Variants in TOX2 observed in about 807,000 individuals in gnomAD.
TOX2 encodes the protein granulosa cell HMG box 1.
A neutral mutation model predicts 47.4 loss-of-function variants in TOX2; 15 were observed. The observed-to-expected ratio is 0.32, with a 90% CI of 0.21 to 0.49. The LOEUF (loss-of-function observed/expected upper bound fraction) is 0.49. Among genes scored for constraint, TOX2 ranks in the 20% least tolerant of loss-of-function variants. The pLI is 0.99. For synonymous variants in TOX2, 290 were observed against 296.6 expected, an observed-to-expected ratio of 0.98 and a Z score of 0.23; for missense variants, 622 against 673.1, an observed-to-expected ratio of 0.92 and a Z score of 0.84.
intron 4 of TOX2, among the ~76,000 whole-genome samples, chr20:44,051,809 A>AG (rs981744124): frequency 1.3e-5 from 2 of 152,286 alleles, no homozygotes; most frequent in South Asian, 4.1e-4. Context: ...GCACCTGGTC[A>AG]GGGGGGATGG....
chr20:44,027,120 G>A (rs969250663), intron 3 of TOX2, among the ~76,000 whole-genome samples: 53 of 152,158 alleles, frequency 3.5e-4, no homozygotes, highest in African/African-American at 1.2e-3. Context: ...ACTGTTGCAG[G>A]GCCTGATGAA....
At chr20:43,953,535 G>A (rs964384936) in intron 1 of TOX2, among the ~76,000 whole-genome samples, 6 of 152,158 alleles carry the variant, frequency 3.9e-5, no homozygotes, top group Non-Finnish European at 7.3e-5. Context: ...GGGCTGATCC[G>A]GGTTGGTGTG....
At position 44,068,390 on chromosome 20, in the gene TOX2, G is replaced by A. The variant is rs934160491; in HGVS notation, c.1485-260G>A. Among the ~76,000 whole-genome samples, 10 of 152,128 alleles carry A rather than the reference G, an allele frequency of 6.6e-5. No homozygotes were observed. The East Asian group carries it at 1.2e-3, about 18-fold the overall frequency. ...CAATGGTGACATCGGCGTGCGCCTC[G>A]ATGAAAGACAGACACGCTACTGCCC... On this transcript the variant is annotated intron_variant, in intron 8 of 8. Coordinates refer to ENST00000341197, the MANE Select transcript of TOX2 (RefSeq NM_001098797.2).
chr20:44,055,862 G>C (rs1285211464), intron 5 of TOX2, among the ~76,000 whole-genome samples: 1 of 152,180 alleles, frequency 6.6e-6, no homozygotes, highest in Admixed American at 6.5e-5. Flanking sequence ...GGGGCAGAGA[G>C]ATGAATTACT....
chr20:43,951,920 C>T (rs186958974), intron 1 of TOX2, among the ~76,000 whole-genome samples: 9 of 150,326 alleles, frequency 6.0e-5, no homozygotes, highest in East Asian at 2.0e-4. Flanking sequence ...TTTTTGAGGC[C>T]GAGTCTCGCT....
In TOX2 at chr20:43,969,321, T is replaced by C. The variant is rs140363177; in HGVS notation, c.100-4046T>C. Among the ~76,000 whole-genome samples, 1,105 of 152,350 alleles carry C rather than the reference T, an allele frequency of 7.3e-3. 9 individuals are homozygous for C. The highest frequency in any genetic ancestry group is 0.025 in the African/African-American group (1,047 of 41,586). ...CATGCTGTGCACACGGTGTACATCA[T>C]ATACCTTTGTGTTCACACAGTGTAT... On this transcript the variant is annotated intron_variant, in intron 1 of 8. Coordinates refer to ENST00000341197, the MANE Select transcript of TOX2 (RefSeq NM_001098797.2).
chr20:43,918,654 G>A (rs1326030215), intron 1 of TOX2, among the ~76,000 whole-genome samples: 2 of 152,158 alleles, frequency 1.3e-5, no homozygotes, highest in Admixed American at 6.5e-5. Flanking sequence ...CCACGATGTT[G>A]TATATATCCA....
chr20:44,014,827 G>C (rs1265093690), intron 3 of TOX2, among the ~76,000 whole-genome samples: 1 of 152,120 alleles, frequency 6.6e-6, no homozygotes, highest in East Asian at 1.9e-4. Flanking sequence ...TACCAACTTT[G>C]TCGGGGGCTG....
chr20:44,034,218 C>T (rs1253129015), intron 3 of TOX2, among the ~76,000 whole-genome samples: 1 of 152,132 alleles, frequency 6.6e-6, no homozygotes, highest in Non-Finnish European at 1.5e-5. Context: ...TTATCTTCTG[C>T]AGACTTCAAG....
At chr20:44,001,148 C>T (rs745589083) in intron 2 of TOX2, among the ~76,000 whole-genome samples, 25 of 152,100 alleles carry the variant, frequency 1.6e-4, no homozygotes, top group Non-Finnish European at 2.8e-4. Flanking sequence ...CATGAGGATG[C>T]CAGTGGTAGA....
At chr20:44,040,186 A>G (rs996386602) in intron 3 of TOX2, among the ~76,000 whole-genome samples, 2 of 152,118 alleles carry the variant, frequency 1.3e-5, no homozygotes, top group African/African-American at 4.8e-5. Context: ...TAAGCAAAAC[A>G]CGTTTTGAGG....
intron 1 of TOX2, among the ~76,000 whole-genome samples, chr20:43,967,101 G>T (rs1176773235): frequency 6.6e-6 from 1 of 152,152 alleles, no homozygotes; most frequent in Non-Finnish European, 1.5e-5. Context: ...TGGATCAGAG[G>T]GATGTAGATG....
intron 3 of TOX2, among the ~76,000 whole-genome samples, chr20:44,046,482 CAG>C (rs1267238044): frequency 2.0e-5 from 3 of 152,200 alleles, no homozygotes; most frequent in East Asian, 1.9e-4. Context: ...GAATTGAAAG[CAG>C]AGTCTCCACG....
intron 5 of TOX2, among the ~76,000 whole-genome samples, chr20:44,058,955 A>C (rs1310593846): frequency 6.7e-6 from 1 of 150,100 alleles, no homozygotes; most frequent in African/African-American, 2.4e-5. Flanking sequence ...TTCTGGTAAT[A>C]TGACAAAACG....
At chr20:44,054,625 TAG>T (rs1333058164) in intron 5 of TOX2, 99 bp downstream of exon 5, 2 of 1,273,786 alleles carry the variant, frequency 1.6e-6, no homozygotes, top group Non-Finnish European at 2.2e-6. Context: ...GCTCTGGAAC[TAG>T]AGACTCTTAC....
rs2071582829 is a variant in TOX2 at position 44,054,485 on chromosome 20, G to A, written c.838G>A (p.Val280Met). Residue 280 changes from valine to methionine, a missense_variant, in exon 5 of 9, where the codon GTG (valine) becomes ATG (methionine). Physicochemically the swap from Val to Met is conservative, Grantham distance 21. Coordinates refer to ENST00000341197, the MANE Select transcript of TOX2 (RefSeq NM_001098797.2). ...SATFGDVSKIVASMWDSLGEE... is the reference protein window; with the variant it reads ...SATFGDVSKIMASMWDSLGEE... ...CACTTTCGGTGACGTGTCCAAAATCGTGGCCTCCATGTGGGACAGCCTGGG... is the reference window on the plus strand; with the variant it reads ...CACTTTCGGTGACGTGTCCAAAATCATGGCCTCCATGTGGGACAGCCTGGG... 12 of 1,613,862 alleles carry A rather than the reference G, an allele frequency of 7.4e-6. No homozygotes were observed. The highest frequency in any genetic ancestry group is 1.1e-5 in the South Asian group (1 of 91,046).
chr20:44,030,484 C>A (rs1315982437), intron 3 of TOX2, among the ~76,000 whole-genome samples: 1 of 152,210 alleles, frequency 6.6e-6, no homozygotes, highest in East Asian at 1.9e-4. Flanking sequence ...GCCCACCCAG[C>A]CTGGCCCCTG....
chr20:43,931,762 A>G (rs978447357), intron 1 of TOX2, among the ~76,000 whole-genome samples: 13 of 152,270 alleles, frequency 8.5e-5, no homozygotes, highest in South Asian at 4.1e-4. Context: ...CTCAGGGGAG[A>G]ATTGATGATG....
chr20:44,018,075 C>T (rs572382411), intron 3 of TOX2, among the ~76,000 whole-genome samples: 101 of 152,300 alleles, frequency 6.6e-4, no homozygotes, highest in African/African-American at 2.3e-3. Context: ...ACTGTCCCGG[C>T]ACCGAAGGCT....
Sources: gnomAD v4.1 joint callset for allele counts (sites outside exome capture counted in the v4.1 genomes callset) on GRCh38, gnomAD v4.1.1 for gene constraint, MANE v1.5 for transcripts, NCBI Gene and HGNC (gene_info 2026-07-23, HGNC 2026-07-21) for gene names.